Variants in NAALADL2 observed in about 807,000 individuals in gnomAD.
NAALADL2 encodes the protein inactive N-acetylated-alpha-linked acidic dipeptidase-like protein 2.
A neutral mutation model predicts 87.2 loss-of-function variants in NAALADL2; 76 were observed. The ratio of observed to expected loss-of-function variants is 0.87; its 90% CI spans 0.72 to 1.05. The LOEUF (loss-of-function observed/expected upper bound fraction) is 1.05, where lower values mean the gene tolerates loss of function less well. NAALADL2 is among the 50% of genes least tolerant of loss of function. The pLI, the probability that NAALADL2 is intolerant of heterozygous loss-of-function variation, is 0.00. For synonymous variants in NAALADL2, 354 were observed against 331.0 expected, an observed-to-expected ratio of 1.07 and a Z score of -0.75; for missense variants, 1,089 against 945.8, an observed-to-expected ratio of 1.15 and a Z score of -1.99.
chr3:174,889,052 T>G (rs1730553560), intron 1 of NAALADL2, among the ~76,000 whole-genome samples: 1 of 152,190 alleles, frequency 6.6e-6, no homozygotes, highest in Non-Finnish European at 1.5e-5. Flanking sequence ...CATAACTATT[T>G]AAACACGTTT....
At chr3:175,334,768 C>A (rs1371611584) in intron 5 of NAALADL2, among the ~76,000 whole-genome samples, 1 of 152,068 alleles carries the variant, frequency 6.6e-6, no homozygotes, top group Non-Finnish European at 1.5e-5. Flanking sequence ...ATGATCAATA[C>A]CTGTGGAAAA....
In NAALADL2 at chr3:175,380,756, G is replaced by A. The variant is rs1767690747; in HGVS notation, c.1090+56431G>A. ...ACTGCAAAAAATATACTGTCTGAAAGTATATATTACAGATGCCATTTAACT... is the reference window on the plus strand; with the variant it reads ...ACTGCAAAAAATATACTGTCTGAAAATATATATTACAGATGCCATTTAACT... On this transcript the variant is annotated intron_variant, in intron 5 of 13. Coordinates refer to ENST00000454872, the MANE Select transcript of NAALADL2 (RefSeq NM_207015.3). Among the ~76,000 whole-genome samples the A allele has an allele frequency of 2.6e-5, 4 of 152,120 alleles. No homozygotes were observed. The South Asian group carries it at 8.3e-4, about 32-fold the overall frequency.
intron 6 of NAALADL2, among the ~76,000 whole-genome samples, chr3:175,461,720 C>T (rs765853418): frequency 2.0e-5 from 3 of 152,114 alleles, no homozygotes; most frequent in Non-Finnish European, 4.4e-5. Context: ...GATTCTTCAC[C>T]TATATCTGTA....
intron 2 of NAALADL2, among the ~76,000 whole-genome samples, chr3:175,209,442 G>T (rs1331624663): frequency 6.6e-6 from 1 of 151,916 alleles, no homozygotes; most frequent in Non-Finnish European, 1.5e-5. Flanking sequence ...TTGAGAAAGA[G>T]AAAATTTTGT....
intron 2 of NAALADL2, among the ~76,000 whole-genome samples, chr3:175,212,248 A>T (rs898425141): frequency 6.6e-6 from 1 of 151,992 alleles, no homozygotes; most frequent in African/African-American, 2.4e-5. Context: ...TATTTCAAAT[A>T]TACTTTGTAG....
intron 7 of NAALADL2, among the ~76,000 whole-genome samples, chr3:175,465,471 A>ATTTTTTTTTTTTTT (rs1560595976): frequency 7.8e-6 from 1 of 129,032 alleles, no homozygotes; most frequent in African/African-American, 3.4e-5. Flanking sequence ...CATGAATTAA[A>ATTTTTTTTTTTTTT]TCTTTTTTTT....
intron 10 of NAALADL2, among the ~76,000 whole-genome samples, chr3:175,579,095 G>C (rs1484814204): frequency 6.6e-6 from 1 of 152,234 alleles, no homozygotes; most frequent in Middle Eastern, 3.4e-3. Flanking sequence ...CTTTCAAAGG[G>C]TGTTTTCTAA....
intron 1 of NAALADL2, among the ~76,000 whole-genome samples, chr3:174,898,487 A>G (rs147447031): frequency 6.6e-6 from 1 of 152,070 alleles, no homozygotes; most frequent in East Asian, 1.9e-4. Flanking sequence ...TATGTTTTAA[A>G]ATAATGTGAA....
chr3:175,787,213 G>C (rs1186503723), intron 13 of NAALADL2, among the ~76,000 whole-genome samples: 1 of 152,164 alleles, frequency 6.6e-6, no homozygotes, highest in South Asian at 2.1e-4. Flanking sequence ...AGGCAGGCAG[G>C]CCTCCTTGAG....
intron 3 of NAALADL2, among the ~76,000 whole-genome samples, chr3:174,845,546 A>G (rs544756377): frequency 1.4e-4 from 21 of 152,330 alleles, no homozygotes; most frequent in African/African-American, 4.6e-4. Flanking sequence ...AAAGCTTGAC[A>G]ACTTTACAAT....
intron 2 of NAALADL2, among the ~76,000 whole-genome samples, chr3:174,635,595 C>T (rs58200785): frequency 0.17 from 25,312 of 151,338 alleles, 2,229 homozygotes; most frequent in South Asian, 0.3. Flanking sequence ...TTCTGCCTCC[C>T]GGGTTCCAGC....
intron 2 of NAALADL2, among the ~76,000 whole-genome samples, chr3:174,602,265 C>A (rs1553796158): frequency 6.6e-6 from 1 of 151,998 alleles, no homozygotes; most frequent in Non-Finnish European, 1.5e-5. Context: ...CATGGAATAT[C>A]TTCCGGTGTT....
intron 2 of NAALADL2, among the ~76,000 whole-genome samples, chr3:175,203,683 T>G (rs1214750106): frequency 6.6e-6 from 1 of 150,640 alleles, no homozygotes; most frequent in African/African-American, 2.4e-5. Context: ...TAAATAATAT[T>G]GATAGACCTT....
chr3:175,410,172 G>A (rs1356002143), intron 5 of NAALADL2, among the ~76,000 whole-genome samples: 3 of 152,106 alleles, frequency 2.0e-5, no homozygotes, highest in Non-Finnish European at 4.4e-5. Flanking sequence ...AGCACTAAAT[G>A]TGGACATAGT....
intron 11 of NAALADL2, among the ~76,000 whole-genome samples, chr3:175,658,424 T>C (rs1209519060): frequency 6.6e-6 from 1 of 152,218 alleles, no homozygotes; most frequent in East Asian, 1.9e-4. Context: ...TATATTATTT[T>C]TAGATTGAAA....
chr3:175,048,528 G>A (rs1439833173), intron 1 of NAALADL2, among the ~76,000 whole-genome samples: 1 of 142,758 alleles, frequency 7.0e-6, no homozygotes, highest in Non-Finnish European at 1.5e-5. Flanking sequence ...TTTTTTTTGT[G>A]GTGAAGTCAA....
intron 1 of NAALADL2, among the ~76,000 whole-genome samples, chr3:175,082,617 T>G (rs1718095302): frequency 6.6e-6 from 1 of 152,212 alleles, no homozygotes; most frequent in African/African-American, 2.4e-5. Context: ...TTTATTGCAT[T>G]AATGAAAGTC....
chr3:175,567,362 T>G (rs1654812910), intron 9 of NAALADL2, among the ~76,000 whole-genome samples: 1 of 150,858 alleles, frequency 6.6e-6, no homozygotes, highest in Non-Finnish European at 1.5e-5. Context: ...TAAGAGCAAA[T>G]ATTTTCGTAT....
At chr3:175,470,916 T>A (rs1724766860) in intron 8 of NAALADL2, among the ~76,000 whole-genome samples, 1 of 152,138 alleles carries the variant, frequency 6.6e-6, no homozygotes, top group Admixed American at 6.5e-5. Flanking sequence ...GCGTAGCTCA[T>A]TGCTTCAAAA....
Sources: gnomAD v4.1 joint callset for allele counts (sites outside exome capture counted in the v4.1 genomes callset) on GRCh38, gnomAD v4.1.1 for gene constraint, MANE v1.5 for transcripts, NCBI Gene and HGNC (gene_info 2026-07-23, HGNC 2026-07-21) for gene names.